Variants in ATP13A3 observed in about 807,000 individuals in gnomAD.
ATP13A3 encodes the protein polyamine-transporting ATPase 13A3.
ATP13A3 carries 59 observed loss-of-function variants against 158.1 expected under a neutral mutation model. The ratio of observed to expected loss-of-function variants is 0.37; its 90% CI spans 0.30 to 0.46. The LOEUF (loss-of-function observed/expected upper bound fraction) is 0.46. ATP13A3 is among the 20% of genes least tolerant of loss of function. The pLI is 1.00. For missense variants in ATP13A3, 1,166 were observed against 1,525.2 expected, an observed-to-expected ratio of 0.76 and a Z score of 3.92; for synonymous variants, 491 against 504.3, an observed-to-expected ratio of 0.97 and a Z score of 0.35.
Position 194,425,442 on chromosome 3 carries a change from A to G in ATP13A3, c.3213T>C (p.Tyr1071=). The G allele has an allele frequency of 6.2e-7, 1 of 1,613,236 alleles. No individual in the cohort carries two copies. Among genetic ancestry groups the G allele is most frequent in the Non-Finnish European group, 8.5e-7 (1 of 1,179,208 alleles). The change falls in exon 30 of 34, where the codon TAT becomes TAC. Residue 1071 remains tyrosine, a synonymous_variant. Coordinates refer to ENST00000645319, the MANE Select transcript of ATP13A3 (RefSeq NM_001367549.1). ...AAATAAAAAACACTGTGGTATTTTC[A>G]TAATTTTGTATATTATGTTCATCAA... ...TELDEHNIQN[Y]ENTTVFFISS...
chr3:194,465,089 T>G (rs1719908638), intron 2 of ATP13A3, among the ~76,000 whole-genome samples: 1 of 151,864 alleles, frequency 6.6e-6, no homozygotes, highest in Non-Finnish European at 1.5e-5. Flanking sequence ...ACAAAATACA[T>G]AATGGTTTTC....
intron 2 of ATP13A3, among the ~76,000 whole-genome samples, chr3:194,474,599 G>A: frequency 6.6e-6 from 1 of 152,160 alleles, no homozygotes; most frequent in East Asian, 1.9e-4. Context: ...TTAAGGTAAA[G>A]TTTTTGTTGA....
chr3:194,476,117 T>C (rs1720512385), intron 2 of ATP13A3, among the ~76,000 whole-genome samples: 1 of 152,152 alleles, frequency 6.6e-6, no homozygotes, highest in Admixed American at 6.5e-5. Flanking sequence ...CAAATGCCCA[T>C]TTTACCTCTT....
intron 2 of ATP13A3, among the ~76,000 whole-genome samples, chr3:194,470,320 A>G (rs758280821): frequency 6.6e-6 from 1 of 152,216 alleles, no homozygotes; most frequent in Non-Finnish European, 1.5e-5. Context: ...TGATAGCTAT[A>G]ACAAAATAAG....
chr3:194,442,826 A>G (rs557145790), intron 15 of ATP13A3, among the ~76,000 whole-genome samples: 152 of 152,126 alleles, frequency 1.0e-3, no homozygotes, highest in African/African-American at 1.3e-3. Context: ...GCAACCAGAG[A>G]AAAAAAAGAT....
chr3:194,486,321 C>T (rs903576930), intron 1 of ATP13A3, among the ~76,000 whole-genome samples: 1 of 152,142 alleles, frequency 6.6e-6, no homozygotes, highest in Non-Finnish European at 1.5e-5. Flanking sequence ...TGACTACCAA[C>T]CACCAAGCGC....
At chr3:194,438,789 T>G (rs1405563582) in intron 17 of ATP13A3, 67 bp downstream of exon 17, 1 of 1,111,022 alleles carries the variant, frequency 9.0e-7, no homozygotes, top group South Asian at 1.7e-5. Context: ...AAATAAAAAT[T>G]GAAAAAAATT....
At chr3:194,436,087 C>T (rs965822872) in intron 20 of ATP13A3, among the ~76,000 whole-genome samples, 2 of 151,998 alleles carry the variant, frequency 1.3e-5, no homozygotes, top group African/African-American at 4.8e-5. Flanking sequence ...TGGTTCCCGA[C>T]ATGCATATGT....
intron 2 of ATP13A3, among the ~76,000 whole-genome samples, chr3:194,481,600 T>A (rs995114759): frequency 6.6e-6 from 1 of 152,166 alleles, no homozygotes; most frequent in African/African-American, 2.4e-5. Context: ...CACACCTCTT[T>A]ATTTCAATGT....
At chr3:194,460,882 T>C (rs1420919939) in intron 3 of ATP13A3, 51 bp from the exon 4 acceptor site, 4 of 1,551,672 alleles carry the variant, frequency 2.6e-6, no homozygotes, top group Non-Finnish European at 3.5e-6. Flanking sequence ...TAAAATGATA[T>C]GGCAGAGAAA....
intron 27 of ATP13A3, among the ~76,000 whole-genome samples, chr3:194,429,418 T>C (rs1176112638): frequency 6.6e-6 from 1 of 152,204 alleles, no homozygotes; most frequent in Non-Finnish European, 1.5e-5. Context: ...TCTGATAGGG[T>C]ACCTGTGGCC....
At chr3:194,412,648 A>G in intron 32 of ATP13A3, 1 of 218,272 alleles carries the variant, frequency 4.6e-6, no homozygotes, top group East Asian at 1.1e-4. Flanking sequence ...CTATAGATAT[A>G]TAATTTCATC....
chr3:194,412,131 A>G, intron 33 of ATP13A3, 68 bp downstream of exon 33: 5 of 1,230,782 alleles, frequency 4.1e-6, no homozygotes, highest in Non-Finnish European at 5.8e-6. Context: ...CACGCTAGAG[A>G]ATACAGAGTA....
chr3:194,427,643 A>C (rs879857298), intron 28 of ATP13A3, among the ~76,000 whole-genome samples: 83 of 72,506 alleles, frequency 1.1e-3, no homozygotes, highest in Non-Finnish European at 1.6e-3. Flanking sequence ...TACAATAAAT[A>C]AATAAATAAA....
intron 2 of ATP13A3, among the ~76,000 whole-genome samples, chr3:194,479,356 T>C (rs557978409): frequency 6.6e-6 from 1 of 152,324 alleles, no homozygotes; most frequent in South Asian, 2.1e-4. Flanking sequence ...TTGCCTATTG[T>C]ACTTTACATT....
chr3:194,460,444 G>T (rs555660668), intron 4 of ATP13A3, among the ~76,000 whole-genome samples: 1 of 152,148 alleles, frequency 6.6e-6, no homozygotes, highest in East Asian at 1.9e-4. Context: ...ATGAAAGGAA[G>T]GGGGTGAATC....
At chr3:194,417,396 G>GACACACACACACAT (rs1715931085) in intron 31 of ATP13A3, among the ~76,000 whole-genome samples, 1 of 118,054 alleles carries the variant, frequency 8.5e-6, no homozygotes, top group Admixed American at 9.0e-5. Context: ...GCCAGATTCT[G>GACACACACACACAT]ACACACACAC....
chr3:194,463,913 G>T (rs1001718695), intron 2 of ATP13A3, among the ~76,000 whole-genome samples: 1 of 152,120 alleles, frequency 6.6e-6, no homozygotes, highest in African/African-American at 2.4e-5. Context: ...TAATCCCAGC[G>T]CTCTGGGAGG....
At position 194,437,476 on chromosome 3, in the gene ATP13A3, C is replaced by G. The variant is rs768224115; in HGVS notation, c.1846-12G>C. 3 of 1,613,858 alleles carry G rather than the reference C, an allele frequency of 1.9e-6. No homozygotes were observed. In the Admixed American group the frequency reaches 5.0e-5, roughly 27 times the overall value. On this transcript the variant is annotated splice_polypyrimidine_tract_variant and intron_variant, in intron 18 of 33. Transcript: ENST00000645319. Reference sequence around the variant, plus strand: ...ATCTCATAAGTAGCCTATATCATTTCAAAAGAGGCACAAAGCACTTAATAT... The same window carrying G: ...ATCTCATAAGTAGCCTATATCATTTGAAAAGAGGCACAAAGCACTTAATAT...
Sources: gnomAD v4.1 joint callset for allele counts (sites outside exome capture counted in the v4.1 genomes callset) on GRCh38, gnomAD v4.1.1 for gene constraint, MANE v1.5 for transcripts, NCBI Gene and HGNC (gene_info 2026-07-23, HGNC 2026-07-21) for gene names.